VSIG10: variants seen among roughly 807,000 people sequenced by gnomAD.
VSIG10 encodes V-set and immunoglobulin domain-containing protein 10.
VSIG10 carries 48 observed loss-of-function variants against 58.7 expected under a neutral mutation model. The observed-to-expected ratio is 0.82, with a 90% CI of 0.65 to 1.04. VSIG10 has a LOEUF of 1.04. VSIG10 is among the 50% of genes least tolerant of loss of function. VSIG10 has a pLI of 0.00. For synonymous variants in VSIG10, 260 were observed against 267.1 expected, an observed-to-expected ratio of 0.97 and a Z score of 0.26; for missense variants, 628 against 670.0, an observed-to-expected ratio of 0.94 and a Z score of 0.69.
At chr12:118,086,065 GGAGAA>G (rs1196151124) in intron 2 of VSIG10, among the ~76,000 whole-genome samples, 1 of 151,926 alleles carries the variant, frequency 6.6e-6, no homozygotes, top group East Asian at 1.9e-4. Context: ...AGGCGAGGCA[GGAGAA>G]TCGCTTGAAC....
At chr12:118,086,066 G>A (rs1458966935) in intron 2 of VSIG10, among the ~76,000 whole-genome samples, 1 of 151,998 alleles carries the variant, frequency 6.6e-6, no homozygotes, top group African/African-American at 2.4e-5. Flanking sequence ...GGCGAGGCAG[G>A]AGAATCGCTT....
chr12:118,091,416 C>T (rs1406565992), intron 2 of VSIG10, among the ~76,000 whole-genome samples: 1 of 151,100 alleles, frequency 6.6e-6, no homozygotes, highest in Non-Finnish European at 1.5e-5. Flanking sequence ...GGTGTGAACC[C>T]GGAAGGTGGA....
At position 118,073,737 on chromosome 12, in the gene VSIG10, A is replaced by G. The variant is rs1310692020; in HGVS notation, c.1181T>C (p.Val394Ala). The G allele has an allele frequency of 6.2e-7, 1 of 1,613,562 alleles. No homozygotes were observed. The highest frequency in any genetic ancestry group is 8.5e-7 in the Non-Finnish European group (1 of 1,179,784). The part of the protein sequence containing the change: ...GYYICRADSP[V>A]GVREMEIWLS... ...CCAGATTTCCATCTCCCTCACCCCT[A>G]CAGGGCTGTCAGCTCGGCAGATGTA... Residue 394 changes from valine (V) to alanine (A), a missense_variant, in exon 5 of 9, where the codon GTA becomes GCA. By Grantham distance (64) the Val-to-Ala change is moderately conservative. Coordinates refer to ENST00000359236, the MANE Select transcript of VSIG10 (RefSeq NM_019086.6).
chr12:118,079,641 A>C lies in VSIG10; in HGVS notation c.665-35T>G, dbSNP rs948846672. ...ACCAGAGGAAAGCATGGGCTGAATCACAGACTCTAGGATCAGCCACTGGAC... is the reference window on the plus strand; with the variant it reads ...ACCAGAGGAAAGCATGGGCTGAATCCCAGACTCTAGGATCAGCCACTGGAC... On this transcript the variant is annotated intron_variant, in intron 3 of 8. Transcript: ENST00000359236. 2.5e-6 allele frequency: 4 copies of C among 1,609,764 alleles called. No homozygotes were observed. In the African/African-American group the frequency reaches 5.3e-5, roughly 21 times the overall value.
At chr12:118,085,057 A>C (rs1304450486) in intron 2 of VSIG10, among the ~76,000 whole-genome samples, 1 of 152,086 alleles carries the variant, frequency 6.6e-6, no homozygotes, top group Non-Finnish European at 1.5e-5. Context: ...GCTTGGCAAG[A>C]CCTAAATTAA....
chr12:118,079,753 T>C (rs2032876317), intron 3 of VSIG10, 147 bp from the exon 4 acceptor site: 1 of 1,163,500 alleles, frequency 8.6e-7, no homozygotes, highest in African/African-American at 1.5e-5. Flanking sequence ...CACAAATTCA[T>C]GCCTGACAAC....
intron 4 of VSIG10, among the ~76,000 whole-genome samples, chr12:118,075,833 T>G (rs1257999084): frequency 6.6e-6 from 1 of 152,192 alleles, no homozygotes; most frequent in Non-Finnish European, 1.5e-5. Context: ...GTTAAGTAAT[T>G]TGCTGAATGC....
intron 1 of VSIG10, among the ~76,000 whole-genome samples, chr12:118,098,869 T>C (rs1344783195): frequency 6.6e-6 from 1 of 151,226 alleles, no homozygotes; most frequent in African/African-American, 2.4e-5. Context: ...GTGTTTTATT[T>C]ATTTATTTTT....
intron 1 of VSIG10, among the ~76,000 whole-genome samples, chr12:118,096,477 C>T (rs1438549843): frequency 6.6e-6 from 1 of 151,262 alleles, no homozygotes; most frequent in Non-Finnish European, 1.5e-5. Context: ...ACTAGGGAGG[C>T]TGAAGCAGGA....
chr12:118,089,040 C>T (rs1223659520), intron 2 of VSIG10, among the ~76,000 whole-genome samples: 1 of 151,938 alleles, frequency 6.6e-6, no homozygotes, highest in East Asian at 1.9e-4. Context: ...CTCCGCCCTC[C>T]CCGGTTGAAG....
chr12:118,066,916 C>G (rs2032268231), intron 8 of VSIG10, among the ~76,000 whole-genome samples: 7 of 152,074 alleles, frequency 4.6e-5, no homozygotes, highest in Admixed American at 4.6e-4. Flanking sequence ...ATGTCCTCAG[C>G]TCACGCCCCT....
chr12:118,096,779 C>G (rs1046335350), intron 1 of VSIG10, among the ~76,000 whole-genome samples: 1 of 148,752 alleles, frequency 6.7e-6, no homozygotes, highest in African/African-American at 2.5e-5. Flanking sequence ...CGGCTCATGC[C>G]TGTAATCCCA....
At chr12:118,090,008 C>A (rs535753744) in intron 2 of VSIG10, among the ~76,000 whole-genome samples, 1 of 152,274 alleles carries the variant, frequency 6.6e-6, no homozygotes, top group African/African-American at 2.4e-5. Flanking sequence ...GTTTCTCCTG[C>A]ACACAGAATA....
At chr12:118,093,660 C>A (rs2137939191) in intron 2 of VSIG10, among the ~76,000 whole-genome samples, 1 of 152,118 alleles carries the variant, frequency 6.6e-6, no homozygotes, top group Non-Finnish European at 1.5e-5. Context: ...CTTGTAATCC[C>A]AGTACTTTGG....
In VSIG10 at chr12:118,078,937, TAAA is replaced by T. The variant is rs35469920; in HGVS notation, c.925+406_925+408del. Among the ~76,000 whole-genome samples the T allele has an allele frequency of 3.6e-3, 145 of 39,892 alleles. 1 individual carries two copies. The highest frequency in any genetic ancestry group is 0.012 in the African/African-American group (130 of 10,762). 26.2% of individuals were successfully genotyped at this position (39,892 alleles called of 152,430 possible). A position where few individuals can be genotyped will look rare whatever the true frequency, so the allele number is the denominator to read the frequency against. On this transcript the variant is annotated intron_variant, in intron 4 of 8. Coordinates refer to ENST00000359236, the MANE Select transcript of VSIG10 (RefSeq NM_019086.6). ...CTGGGCAACAGAGCAAGACTCTGCC[TAAA>T]AAAAAAAAAAAAAAAAAAAAAAAAA...
intron 4 of VSIG10, 147 bp downstream of exon 4, chr12:118,079,199 A>C: frequency 8.0e-7 from 1 of 1,246,604 alleles, no homozygotes; most frequent in South Asian, 1.6e-5. Context: ...AAAGTGAAAC[A>C]TAAAGAAAAA....
intron 2 of VSIG10, among the ~76,000 whole-genome samples, chr12:118,085,723 G>A (rs2033103642): frequency 1.3e-5 from 2 of 151,382 alleles, no homozygotes; most frequent in African/African-American, 4.9e-5. Flanking sequence ...TTAGCCAGGT[G>A]TGGTGATGCA....
At position 118,103,574 on chromosome 12, in the gene VSIG10, C is replaced by T; in HGVS notation, c.79+19G>A. On this transcript the variant is annotated intron_variant, in intron 1 of 8. Transcript: ENST00000359236. ...GACTGGGAAAACTCAACTTTTCCCT[C>T]CAGATCGCGGCCCCTTACCTACGGC... The T allele has an allele frequency of 6.6e-7, 1 of 1,515,410 alleles. No individual in the cohort carries two copies. The highest frequency in any genetic ancestry group is 1.2e-5 in the South Asian group (1 of 82,018). 93.9% of individuals were successfully genotyped at this position (1,515,410 alleles called of 1,614,324 possible).
In VSIG10 at chr12:118,073,961, C is replaced by T. The variant is rs1162418744; in HGVS notation, c.957G>A (p.Lys319=). ...RGPSLLSEPM[K]TCFTGGNVTL... Reference sequence around the variant, plus strand: ...TCACATTGCCCCCAGTGAAGCAAGTCTTCATGGGCTCAGAGAGAAGGGAGG... The same window carrying T: ...TCACATTGCCCCCAGTGAAGCAAGTTTTCATGGGCTCAGAGAGAAGGGAGG... Residue 319 remains lysine (K), a synonymous_variant, in exon 5 of 9, where the codon AAG becomes AAA. Transcript: ENST00000359236. 3 of 1,593,578 alleles carry T rather than the reference C, an allele frequency of 1.9e-6. No homozygotes were observed. The highest frequency in any genetic ancestry group is 1.7e-6 in the Non-Finnish European group (2 of 1,168,230).
Sources: gnomAD v4.1 joint callset for allele counts (sites outside exome capture counted in the v4.1 genomes callset) on GRCh38, gnomAD v4.1.1 for gene constraint, MANE v1.5 for transcripts, NCBI Gene and HGNC (gene_info 2026-07-23, HGNC 2026-07-21) for gene names.